KLHL14: variants seen among roughly 807,000 people sequenced by gnomAD.
KLHL14 encodes kelch like family member 14.
A neutral mutation model predicts 64.3 loss-of-function variants in KLHL14; 22 were observed. The ratio of observed to expected loss-of-function variants is 0.34; its 90% CI spans 0.24 to 0.49. KLHL14 has a LOEUF of 0.49. Ranked by LOEUF, KLHL14 falls within the 20% of genes least tolerant of loss-of-function variation. The probability of loss-of-function intolerance (pLI) is 0.99; values close to 1 mark genes in which losing one functional copy is unlikely to be tolerated. For synonymous variants in KLHL14, 322 were observed against 333.4 expected, an observed-to-expected ratio of 0.97 and a Z score of 0.37; for missense variants, 661 against 789.0, an observed-to-expected ratio of 0.84 and a Z score of 1.94.
chr18:32,701,431 A>T (rs1481719037), intron 3 of KLHL14, among the ~76,000 whole-genome samples: 1 of 152,050 alleles, frequency 6.6e-6, no homozygotes, highest in Non-Finnish European at 1.5e-5. Flanking sequence ...CAGAAGTGGG[A>T]ATGAGTTGGT....
At chr18:32,703,919 C>A (rs1185205154) in intron 3 of KLHL14, among the ~76,000 whole-genome samples, 1 of 151,886 alleles carries the variant, frequency 6.6e-6, no homozygotes, top group Non-Finnish European at 1.5e-5. Flanking sequence ...TCCTGTTTTA[C>A]AAAGTGTTGT....
Position 32,673,039 on chromosome 18 carries a change from A to C in KLHL14, c.*1618T>G, listed in dbSNP as rs1413231588. 3 of 133,704 alleles carry C rather than the reference A, an allele frequency of 2.2e-5. No individual in the cohort carries two copies. Among genetic ancestry groups the C allele is most frequent in the Non-Finnish European group, 4.7e-5 (3 of 63,616 alleles). 8.3% of individuals were successfully genotyped at this position (133,704 alleles called of 1,614,324 possible). A position where few individuals can be genotyped will look rare whatever the true frequency, so the allele number is the denominator to read the frequency against. On this transcript the variant is annotated 3_prime_UTR_variant, in exon 9 of 9. Coordinates refer to ENST00000359358, the MANE Select transcript of KLHL14 (RefSeq NM_020805.3). ...CTGTAACTTTTCTTTCTATATACTCATATGTTTTAAGGAAAAAGAAATGAC... is the reference window on the plus strand; with the variant it reads ...CTGTAACTTTTCTTTCTATATACTCCTATGTTTTAAGGAAAAAGAAATGAC...
At chr18:32,721,914 C>T (rs8099299) in intron 3 of KLHL14, among the ~76,000 whole-genome samples, 56,868 of 151,916 alleles carry the variant, frequency 0.37, 12,783 homozygotes, top group African/African-American at 0.64. Context: ...TTTGGCTCAG[C>T]GTCTCCACCC....
chr18:32,684,334 C>A (rs532269713), intron 5 of KLHL14, among the ~76,000 whole-genome samples: 1 of 152,328 alleles, frequency 6.6e-6, no homozygotes, highest in South Asian at 2.1e-4. Context: ...CATTTCCCTG[C>A]TAAACTGGGA....
intron 7 of KLHL14, among the ~76,000 whole-genome samples, chr18:32,679,685 TATTGA>T (rs1212617204): frequency 6.6e-6 from 1 of 152,182 alleles, no homozygotes; most frequent in Admixed American, 6.5e-5. Context: ...AGTGGCTTGC[TATTGA>T]ATTCTTAAAA....
At chr18:32,769,214 C>T (rs1457626018) in intron 2 of KLHL14, among the ~76,000 whole-genome samples, 1 of 152,156 alleles carries the variant, frequency 6.6e-6, no homozygotes, top group East Asian at 1.9e-4. Context: ...CAAGGCAGAA[C>T]TGAGGAGGGG....
intron 2 of KLHL14, among the ~76,000 whole-genome samples, chr18:32,762,964 T>C (rs553388334): frequency 9.9e-5 from 15 of 152,228 alleles, no homozygotes; most frequent in Admixed American, 9.2e-4. Flanking sequence ...TAATTCCAAC[T>C]TCTACCTGGT....
intron 2 of KLHL14, among the ~76,000 whole-genome samples, chr18:32,761,861 C>T (rs1273691405): frequency 1.3e-5 from 2 of 152,128 alleles, no homozygotes; most frequent in Non-Finnish European, 2.9e-5. Context: ...TGCATCACTC[C>T]AAGTTTCCAC....
intron 2 of KLHL14, among the ~76,000 whole-genome samples, chr18:32,768,821 G>A (rs2050360947): frequency 6.6e-6 from 1 of 152,170 alleles, no homozygotes; most frequent in Admixed American, 6.5e-5. Flanking sequence ...AACAGAGGCA[G>A]CAGCAACTCT....
At chr18:32,734,149 C>T (rs1208993542) in intron 3 of KLHL14, 4 of 702,700 alleles carry the variant, frequency 5.7e-6, no homozygotes, top group Non-Finnish European at 1.0e-5. Flanking sequence ...TTATGATAGT[C>T]ACATTGTGTT....
intron 8 of KLHL14, among the ~76,000 whole-genome samples, 184 bp from the exon 9 acceptor site, chr18:32,674,981 A>G (rs2049804036): frequency 6.6e-6 from 1 of 152,196 alleles, no homozygotes; most frequent in Non-Finnish European, 1.5e-5. Context: ...AAGATTGACA[A>G]AATTTCAAAA....
intron 5 of KLHL14, among the ~76,000 whole-genome samples, chr18:32,682,246 A>G (rs1442283742): frequency 6.6e-6 from 1 of 152,226 alleles, no homozygotes; most frequent in Non-Finnish European, 1.5e-5. Context: ...CCCAATAGAT[A>G]TCATTGATAA....
intron 3 of KLHL14, among the ~76,000 whole-genome samples, chr18:32,740,213 C>T (rs780370463): frequency 6.6e-6 from 1 of 152,178 alleles, no homozygotes; most frequent in African/African-American, 2.4e-5. Flanking sequence ...TACCTGTTGT[C>T]CTGGCATAAT....
chr18:32,703,009 G>A (rs1305562130), intron 3 of KLHL14, among the ~76,000 whole-genome samples: 5 of 152,178 alleles, frequency 3.3e-5, no homozygotes, highest in African/African-American at 4.8e-5. Flanking sequence ...TATGAGGATC[G>A]TTTCATCACT....
At chr18:32,727,380 G>A (rs2050113238) in intron 3 of KLHL14, among the ~76,000 whole-genome samples, 1 of 152,138 alleles carries the variant, frequency 6.6e-6, no homozygotes, top group Non-Finnish European at 1.5e-5. Context: ...AAGCCCCAGT[G>A]CTGAGATTAG....
chr18:32,712,468 C>T (rs2050024042), intron 3 of KLHL14, among the ~76,000 whole-genome samples: 1 of 152,158 alleles, frequency 6.6e-6, no homozygotes, highest in African/African-American at 2.4e-5. Context: ...AAGTCAAGCT[C>T]TCTATTTGTG....
intron 2 of KLHL14, among the ~76,000 whole-genome samples, chr18:32,766,516 T>C (rs947312244): frequency 1.3e-5 from 2 of 152,098 alleles, no homozygotes; most frequent in East Asian, 3.8e-4. Flanking sequence ...ATCTACTATT[T>C]TGGCAATTTT....
rs2050396776 is a variant in KLHL14, at chr18:32,772,602, C to G, written c.-44+65G>C. 2.0e-5 allele frequency: 3 copies of G among 152,782 alleles called. No homozygotes were observed. The Admixed American group carries it at 2.0e-4, about 10-fold the overall frequency. The allele number at this position is 152,782 out of a possible 1,614,324, so 9.5% of individuals were successfully genotyped here. On this transcript the variant is annotated intron_variant, in intron 1 of 8. Coordinates refer to ENST00000359358, the MANE Select transcript of KLHL14 (RefSeq NM_020805.3). ...TGAAAGACTCCCTCCCCGGCCCTTC[C>G]CCCTCCAACAATCCAAAAGACAGAA...
chr18:32,767,191 AACATTTTTATATT>A (rs1239224001), intron 2 of KLHL14, among the ~76,000 whole-genome samples: 3 of 152,224 alleles, frequency 2.0e-5, no homozygotes, highest in East Asian at 3.8e-4. Flanking sequence ...AGGCTAAGGG[AACATTTTTATATT>A]ACACTGATGC....
Sources: allele counts gnomAD v4.1 joint callset (sites outside exome capture counted in the v4.1 genomes callset), GRCh38; gene constraint gnomAD v4.1.1; transcripts MANE v1.5; gene names NCBI Gene and HGNC (gene_info 2026-07-23, HGNC 2026-07-21).